MBD5: variants seen among roughly 807,000 people sequenced by gnomAD.
MBD5 encodes methyl-CpG binding domain protein 5.
Under a neutral mutation model 117.3 loss-of-function variants are expected in MBD5, and 13 were observed. That is an observed-to-expected ratio of 0.11 (90% CI 0.07 to 0.18). The LOEUF is 0.18. Among genes scored for constraint, MBD5 ranks in the 10% least tolerant of loss-of-function variants. MBD5 has a pLI of 1.00. For missense variants in MBD5, 1,879 were observed against 2,093.8 expected, an observed-to-expected ratio of 0.90 and a Z score of 2.00; for synonymous variants, 727 against 766.4, an observed-to-expected ratio of 0.95 and a Z score of 0.85.
At chr2:148,442,904 CAAGTTGA>C (rs1337932050) in intron 4 of MBD5, among the ~76,000 whole-genome samples, 1 of 151,298 alleles carries the variant, frequency 6.6e-6, no homozygotes, top group East Asian at 1.9e-4. Context: ...AGGACCACAT[CAAGTTGA>C]AAAGCTTCTG....
chr2:148,398,662 T>A (rs1704815690), intron 4 of MBD5, among the ~76,000 whole-genome samples: 1 of 152,320 alleles, frequency 6.6e-6, no homozygotes, highest in South Asian at 2.1e-4. Context: ...TTTAATTAGA[T>A]CCCATTTGTC....
chr2:148,273,077 CTTTG>C (rs1408999453), intron 3 of MBD5, among the ~76,000 whole-genome samples: 4 of 152,044 alleles, frequency 2.6e-5, no homozygotes, highest in African/African-American at 7.2e-5. Context: ...AAACATTTCT[CTTTG>C]TTTCTTTATT....
chr2:148,461,431 TAAATA>T (rs2105560044), intron 5 of MBD5, among the ~76,000 whole-genome samples: 1 of 152,346 alleles, frequency 6.6e-6, no homozygotes, highest in South Asian at 2.1e-4. Context: ...TAAGTGTCCA[TAAATA>T]AAATATGAAT....
At chr2:148,139,671 A>G (rs1375467671) in intron 1 of MBD5, among the ~76,000 whole-genome samples, 1 of 152,206 alleles carries the variant, frequency 6.6e-6, no homozygotes, top group East Asian at 1.9e-4. Context: ...AACAAAAAGT[A>G]CAGAACCTAT....
chr2:148,073,353 C>T (rs7578992), intron 1 of MBD5, among the ~76,000 whole-genome samples: 3,974 of 152,012 alleles, frequency 0.026, 102 homozygotes, highest in African/African-American at 0.067. Context: ...TGGAGTTATG[C>T]GGTGGGGATA....
At chr2:148,418,546 A>G (rs1705498152) in intron 4 of MBD5, among the ~76,000 whole-genome samples, 1 of 152,214 alleles carries the variant, frequency 6.6e-6, no homozygotes, top group African/African-American at 2.4e-5. Context: ...CAAAATCAAT[A>G]TATACAAATC....
At chr2:148,165,518 A>G (rs1022753274) in intron 1 of MBD5, among the ~76,000 whole-genome samples, 1 of 152,024 alleles carries the variant, frequency 6.6e-6, no homozygotes, top group Non-Finnish European at 1.5e-5. Flanking sequence ...ACTAATGGTT[A>G]GTTGTTCTCT....
chr2:148,488,328 T>C (rs879622665), intron 10 of MBD5, among the ~76,000 whole-genome samples: 5 of 152,150 alleles, frequency 3.3e-5, no homozygotes, highest in Non-Finnish European at 5.9e-5. Context: ...GTTGTGGAAA[T>C]GATTGATAAC....
rs971626788 is a variant in MBD5, at chr2:148,483,923, C to T, written c.3332C>T (p.Thr1111Ile). The T allele has an allele frequency of 1.2e-5, 18 of 1,550,428 alleles. No individual in the cohort carries two copies. Among genetic ancestry groups the T allele is most frequent in the Admixed American group, 3.9e-5 (2 of 50,986 alleles). ...AATCATCCAGAGGTTTCCATAGCAA[C>T]CTCCTCCCAGGCAACCACTACCACA... Reference protein sequence around the residue: ...TANHPEVSIATSSQATTTTTT... With the variant: ...TANHPEVSIAISSQATTTTTT... The change falls in exon 9 of 14, where the codon ACC (threonine) becomes ATC (isoleucine). Residue 1111 changes from threonine (T) to isoleucine (I), a missense_variant. Thr to Ile is a moderately conservative substitution (Grantham distance 89). Around this residue, in one of 4 missense-constraint regions of MBD5, gnomAD observed 1,666 missense variants for 1,792.2 expected, o/e 0.93. Transcript: ENST00000642680.
At chr2:148,287,105 G>A (rs890378845) in intron 3 of MBD5, among the ~76,000 whole-genome samples, 3 of 151,998 alleles carry the variant, frequency 2.0e-5, no homozygotes, top group Non-Finnish European at 4.4e-5. Context: ...AATCATTAAT[G>A]TTTATATTAT....
In MBD5 at chr2:148,510,001, T is replaced by A. The variant is rs1338157232; in HGVS notation, c.5037-59T>A. ...TACTTTTGTTTTCTGATTAGGAAAT[T>A]AAATTGAGTTTTGTTTCTTTAATTT... On this transcript the variant is annotated intron_variant, in intron 12 of 13. Coordinates refer to ENST00000642680, the MANE Select transcript of MBD5 (RefSeq NM_001378120.1). The A allele has an allele frequency of 6.0e-6, 8 of 1,340,416 alleles. No individual in the cohort carries two copies. In the East Asian group the frequency reaches 1.4e-4, roughly 23 times the overall value. The allele number at this position is 1,340,416 out of a possible 1,614,324, so 83.0% of individuals were successfully genotyped here. A position where few individuals can be genotyped will look rare whatever the true frequency, so the allele number is the denominator to read the frequency against.
chr2:148,390,481 GTA>G (rs1368209463), intron 4 of MBD5, among the ~76,000 whole-genome samples: 1 of 148,112 alleles, frequency 6.8e-6, no homozygotes, highest in African/African-American at 2.6e-5. Context: ...ATATATATAA[GTA>G]TATATATGTG....
intron 2 of MBD5, among the ~76,000 whole-genome samples, chr2:148,194,600 G>T (rs1297064030): frequency 9.7e-6 from 1 of 102,722 alleles, no homozygotes; most frequent in Non-Finnish European, 2.1e-5. Context: ...TCACACTCTG[G>T]GGACTGTGGT....
At chr2:148,427,672 G>A (rs1183844730) in intron 4 of MBD5, among the ~76,000 whole-genome samples, 1 of 152,092 alleles carries the variant, frequency 6.6e-6, no homozygotes, top group South Asian at 2.1e-4. Flanking sequence ...ATAGCATTAG[G>A]AGATATACCT....
intron 4 of MBD5, among the ~76,000 whole-genome samples, chr2:148,372,439 G>A (rs931711023): frequency 7.9e-5 from 12 of 152,028 alleles, no homozygotes; most frequent in Admixed American, 3.3e-4. Flanking sequence ...GTGACACAGC[G>A]AAAAGAATAT....
intron 2 of MBD5, among the ~76,000 whole-genome samples, chr2:148,219,065 G>T (rs1171914657): frequency 6.6e-6 from 1 of 151,938 alleles, no homozygotes; most frequent in Non-Finnish European, 1.5e-5. Context: ...ATAACACTTG[G>T]CTTAAAACAC....
intron 4 of MBD5, among the ~76,000 whole-genome samples, chr2:148,436,370 T>G (rs185923494): frequency 1.4e-3 from 211 of 152,256 alleles, no homozygotes; most frequent in African/African-American, 4.7e-3. Flanking sequence ...TGTTTTGTTT[T>G]GTTTTGTTTG....
chr2:148,310,861 G>A (rs1199651689), intron 3 of MBD5, among the ~76,000 whole-genome samples: 1 of 152,008 alleles, frequency 6.6e-6, no homozygotes, highest in African/African-American at 2.4e-5. Context: ...ATTTTCACTG[G>A]TTTCAAAGAA....
chr2:148,121,694 A>T (rs1696771570), intron 1 of MBD5, among the ~76,000 whole-genome samples: 1 of 152,124 alleles, frequency 6.6e-6, no homozygotes, highest in Non-Finnish European at 1.5e-5. Flanking sequence ...TAGTTAGCTA[A>T]ACTGATTCCT....
Sources: gnomAD v4.1 joint callset for allele counts (sites outside exome capture counted in the v4.1 genomes callset) on GRCh38, gnomAD v4.1.1 for gene constraint, gnomAD v4.1.1 regional missense constraint, MANE v1.5 for transcripts, NCBI Gene and HGNC (gene_info 2026-07-23, HGNC 2026-07-21) for gene names.